Variants in SDAD1 observed in about 807,000 individuals in gnomAD.
SDAD1 encodes the protein protein SDA1 homolog.
In SDAD1, 79 loss-of-function variants were observed where a neutral mutation model predicts 100.3. The observed-to-expected ratio is 0.79, with a 90% CI of 0.66 to 0.95. The LOEUF (loss-of-function observed/expected upper bound fraction) is 0.95. SDAD1 is among the 40% of genes least tolerant of loss of function. The probability of loss-of-function intolerance (pLI) is 0.00; values close to 1 mark genes in which losing one functional copy is unlikely to be tolerated. For missense variants in SDAD1, 790 were observed against 810.9 expected, an observed-to-expected ratio of 0.97 and a Z score of 0.31; for synonymous variants, 267 against 271.4, an observed-to-expected ratio of 0.98 and a Z score of 0.16.
chr4:75,973,945 G>A (rs997344226), intron 7 of SDAD1, 131 bp downstream of exon 7: 3 of 686,024 alleles, frequency 4.4e-6, no homozygotes, highest in East Asian at 2.7e-5. Context: ...TTTATGCTGA[G>A]TGATGCTTAC....
chr4:75,970,992 A>C (rs961510946), intron 9 of SDAD1, among the ~76,000 whole-genome samples: 3 of 152,218 alleles, frequency 2.0e-5, no homozygotes, highest in Non-Finnish European at 4.4e-5. Flanking sequence ...AAACAAACTA[A>C]TACAATTAAT....
chr4:75,975,972 AG>A lies in SDAD1; in HGVS notation c.428del (p.Thr143MetfsTer6). 6.2e-7 allele frequency: 1 copy of A among 1,601,414 alleles called. No individual in the cohort carries two copies. The highest frequency in any genetic ancestry group is 1.1e-5 in the South Asian group (1 of 90,808). ...GTTTTGCATTTATATTCTTGATATC[AG>A]TCACAATATGTGTGTATAAAGTCTG... is the stretch of plus-strand genomic sequence containing the variant. ...LRKTLYTHIV[T>X]DIKNINAKHK... is the part of the protein sequence containing the mutation. On this transcript the variant is annotated frameshift_variant, in exon 5 of 22. Transcript: ENST00000356260. LOFTEE classifies it high-confidence loss of function.
At chr4:75,956,852 A>G (rs1164189112) in intron 20 of SDAD1, among the ~76,000 whole-genome samples, 3 of 152,216 alleles carry the variant, frequency 2.0e-5, no homozygotes, top group Non-Finnish European at 4.4e-5. Context: ...GCTCATGCCT[A>G]TACTCCCAGC....
At chr4:75,975,151 A>G (rs112868025) in intron 6 of SDAD1, among the ~76,000 whole-genome samples, 12,825 of 152,216 alleles carry the variant, frequency 0.084, 758 homozygotes, top group Non-Finnish European at 0.13. Context: ...TGGAAATACC[A>G]TAAATACTAA....
chr4:75,970,773 C>G (rs1729825831), intron 9 of SDAD1, among the ~76,000 whole-genome samples: 1 of 152,154 alleles, frequency 6.6e-6, no homozygotes, highest in South Asian at 2.1e-4. Context: ...ATAGTGAGTT[C>G]TCACAAGATC....
chr4:75,967,404 A>T (rs1393135430), intron 11 of SDAD1, 70 bp from the exon 12 acceptor site: 4 of 1,368,298 alleles, frequency 2.9e-6, no homozygotes, highest in Non-Finnish European at 4.2e-6. Flanking sequence ...TCTCAATGCA[A>T]ACATATCACC....
intron 8 of SDAD1, among the ~76,000 whole-genome samples, chr4:75,971,939 ATTTT>A (rs35932670): frequency 1.4e-5 from 2 of 138,392 alleles, no homozygotes; most frequent in Non-Finnish European, 1.6e-5. Context: ...CTGTAGCACT[ATTTT>A]TTTTTTTTTT....
chr4:75,955,879 T>C (rs1195012359), intron 21 of SDAD1, 96 bp downstream of exon 21: 24 of 1,348,908 alleles, frequency 1.8e-5, no homozygotes, highest in South Asian at 1.0e-4. Flanking sequence ...CACACAATAA[T>C]GCCCAGTCTT....
intron 17 of SDAD1, among the ~76,000 whole-genome samples, chr4:75,959,653 T>C (rs1174862706): frequency 1.3e-5 from 2 of 149,624 alleles, no homozygotes; most frequent in Non-Finnish European, 3.0e-5. Context: ...ACAGGAAGAA[T>C]ACACGACTCT....
At chr4:75,964,312 G>T in intron 13 of SDAD1, 101 bp from the exon 14 acceptor site, 1 of 780,634 alleles carries the variant, frequency 1.3e-6, no homozygotes, top group Non-Finnish European at 2.1e-6. Context: ...GGAAAACCCA[G>T]CCTTCCACCT....
At chr4:75,954,626 A>G (rs1309043691) in intron 21 of SDAD1, among the ~76,000 whole-genome samples, 2 of 152,174 alleles carry the variant, frequency 1.3e-5, no homozygotes, top group Admixed American at 1.3e-4. Flanking sequence ...GCTACAGAAT[A>G]AAAGATGAAA....
chr4:75,985,420 C>G (rs1730832918), intron 1 of SDAD1, among the ~76,000 whole-genome samples: 1 of 152,206 alleles, frequency 6.6e-6, no homozygotes, highest in Non-Finnish European at 1.5e-5. Context: ...ATCAATGCTA[C>G]TTCCAGAGCA....
rs759535408 is a variant in SDAD1, at chr4:75,981,932, C to T, written c.195+1G>A. The T allele has an allele frequency of 3.8e-6, 6 of 1,594,702 alleles. No homozygotes were observed. The South Asian group carries it at 6.7e-5, about 18-fold the overall frequency. ...CTTTATTTAAGCAATTATATTCTTA[C>T]CTGTGCCATAAACATCACCAGCTCT... On this transcript the variant is annotated splice_donor_variant, in intron 2 of 21. Transcript: ENST00000356260. LOFTEE classifies it high-confidence loss of function.
intron 1 of SDAD1, among the ~76,000 whole-genome samples, chr4:75,987,561 G>A (rs1317327201): frequency 4.7e-4 from 72 of 152,188 alleles, no homozygotes; most frequent in Admixed American, 2.9e-3. Flanking sequence ...GGGTGCAGTG[G>A]CGCGATCTCG....
At chr4:75,954,689 T>C (rs1347305525) in intron 21 of SDAD1, among the ~76,000 whole-genome samples, 2 of 152,224 alleles carry the variant, frequency 1.3e-5, no homozygotes, top group East Asian at 3.8e-4. Flanking sequence ...GTAAAAACAA[T>C]GCCAGGTTGG....
At chr4:75,987,663 G>A (rs187374395) in intron 1 of SDAD1, among the ~76,000 whole-genome samples, 1 of 152,056 alleles carries the variant, frequency 6.6e-6, no homozygotes, top group Admixed American at 6.5e-5. Context: ...CACCACACCT[G>A]GCTAATTTTT....
chr4:75,973,497 C>A (rs937010815), intron 7 of SDAD1, 106 bp from the exon 8 acceptor site: 1 of 762,486 alleles, frequency 1.3e-6, no homozygotes, highest in African/African-American at 1.7e-5. Flanking sequence ...ATCTGAAGAA[C>A]AAATTCAAAG....
chr4:75,970,612 G>A (rs1304095637), intron 9 of SDAD1, among the ~76,000 whole-genome samples: 1 of 152,234 alleles, frequency 6.6e-6, no homozygotes, highest in African/African-American at 2.4e-5. Flanking sequence ...ATTTGGAAAT[G>A]CAAACATTAA....
chr4:75,960,070 A>C lies in SDAD1; in HGVS notation c.1479T>G (p.Asp493Glu). The stretch of plus-strand genomic sequence containing the variant: ...AAGGGTGAAATAAAAATCAACCTTC[A>C]TCATTTTCAGCATTCTCTTCTTTCT... ...EVEKEENAEN[D>E]EDGWESTSLS... Residue 493 changes from aspartate (D) to glutamate (E), a missense_variant, in exon 17 of 22, where the codon GAT becomes GAG. Transcript: ENST00000356260. 1 of 1,608,430 alleles carries C rather than the reference A, an allele frequency of 6.2e-7. No homozygotes were observed.
Sources: gnomAD v4.1 joint callset for allele counts (sites outside exome capture counted in the v4.1 genomes callset) on GRCh38, gnomAD v4.1.1 for gene constraint, MANE v1.5 for transcripts, NCBI Gene and HGNC (gene_info 2026-07-23, HGNC 2026-07-21) for gene names.